Variants in SDK1 observed in about 807,000 individuals in gnomAD.
SDK1 encodes the protein sidekick cell adhesion molecule 1.
SDK1 carries 157 observed loss-of-function variants against 245.5 expected under a neutral mutation model. The ratio of observed to expected loss-of-function variants is 0.64; its 90% CI spans 0.56 to 0.73. The LOEUF is 0.73. SDK1 is among the 30% of genes least tolerant of loss of function. SDK1 has a pLI of 0.00. For synonymous variants in SDK1, 1,647 were observed against 1,278.5 expected, an observed-to-expected ratio of 1.29 and a Z score of -6.15; for missense variants, 3,583 against 3,002.3, an observed-to-expected ratio of 1.19 and a Z score of -4.52.
intron 28 of SDK1, chr7:4,132,638 G>A (rs1784914637): frequency 2.2e-6 from 1 of 462,152 alleles, no homozygotes; most frequent in Admixed American, 3.2e-5. Flanking sequence ...TAAGGTGGGA[G>A]GATCGCTTGA....
intron 1 of SDK1, among the ~76,000 whole-genome samples, chr7:3,390,653 C>T (rs1781726336): frequency 6.6e-6 from 1 of 152,066 alleles, no homozygotes; most frequent in Non-Finnish European, 1.5e-5. Context: ...AGGGAGAGTG[C>T]CATGTGCAGA....
intron 1 of SDK1, among the ~76,000 whole-genome samples, chr7:3,611,754 T>C (rs1781599294): frequency 6.6e-6 from 1 of 151,826 alleles, no homozygotes; most frequent in Non-Finnish European, 1.5e-5. Flanking sequence ...ATCAGGAAAA[T>C]GCAAATCGAA....
chr7:3,436,118 T>C (rs1780015792), intron 1 of SDK1, among the ~76,000 whole-genome samples: 1 of 152,236 alleles, frequency 6.6e-6, no homozygotes, highest in South Asian at 2.1e-4. Flanking sequence ...TGGTTCTTAA[T>C]TGTAACATTA....
intron 38 of SDK1, among the ~76,000 whole-genome samples, chr7:4,219,332 C>T (rs1449639645): frequency 6.6e-6 from 1 of 152,090 alleles, no homozygotes; most frequent in Non-Finnish European, 1.5e-5. Flanking sequence ...TCTCACACTG[C>T]TAATAAAGAC....
intron 7 of SDK1, among the ~76,000 whole-genome samples, chr7:3,954,133 G>A (rs1781049508): frequency 6.6e-6 from 1 of 151,952 alleles, no homozygotes; most frequent in Non-Finnish European, 1.5e-5. Context: ...GCCTGTCTAT[G>A]TTGCTTAATT....
Position 4,210,153 on chromosome 7 carries a change from CCTGTACAAG to C in SDK1, c.5531_5539del (p.Pro1844_Gly1847delinsArg). 1 of 1,575,822 alleles carries C rather than the reference CCTGTACAAG, an allele frequency of 6.3e-7. No homozygotes were observed. Among genetic ancestry groups the C allele is most frequent in the Non-Finnish European group, 8.6e-7 (1 of 1,164,206 alleles). On this transcript the variant is annotated inframe_deletion and splice_region_variant, in exon 38 of 45. Transcript: ENST00000404826. ...TCGGGTGGTGTACGAGCCCTTGGCC[CCTGTACAAG>C]GTAAGACCCGGGGTTGGGGAGATGG... is the stretch of plus-strand genomic sequence containing the variant.
chr7:3,577,706 C>A (rs376931782), intron 1 of SDK1, among the ~76,000 whole-genome samples: 5 of 152,130 alleles, frequency 3.3e-5, no homozygotes, highest in African/African-American at 9.6e-5. Flanking sequence ...AGAACTGAGC[C>A]CTTGAAGTGC....
At chr7:3,473,311 C>T (rs1265093513) in intron 1 of SDK1, among the ~76,000 whole-genome samples, 1 of 152,170 alleles carries the variant, frequency 6.6e-6, no homozygotes, top group Non-Finnish European at 1.5e-5. Context: ...ACTGGGGAAT[C>T]AATTAGAAGA....
At chr7:3,451,822 G>A (rs1297576360) in intron 1 of SDK1, among the ~76,000 whole-genome samples, 2 of 152,094 alleles carry the variant, frequency 1.3e-5, no homozygotes, top group Non-Finnish European at 2.9e-5. Flanking sequence ...CAACTGTACT[G>A]GGCCAATCAA....
intron 35 of SDK1, among the ~76,000 whole-genome samples, chr7:4,192,521 C>T (rs561284798): frequency 1.3e-4 from 20 of 152,274 alleles, no homozygotes; most frequent in African/African-American, 2.2e-4. Context: ...GTGATCCACC[C>T]GCCTCGGCCT....
In SDK1 at chr7:3,797,788, T is replaced by C. The variant is rs112837502; in HGVS notation, c.714-23662T>C. Among the ~76,000 whole-genome samples, 1,351 of 152,284 alleles carry C rather than the reference T, an allele frequency of 8.9e-3. 22 individuals carry two copies. Among genetic ancestry groups the C allele is most frequent in the African/African-American group, 0.031 (1,291 of 41,558 alleles). ...GGTTCCTTGATGTTTTCAGAACTGT[T>C]TCTCTCCTGTTGATTTCTAGCTCTT... is the stretch of plus-strand genomic sequence containing the variant. On this transcript the variant is annotated intron_variant, in intron 4 of 44. Coordinates refer to ENST00000404826, the MANE Select transcript of SDK1 (RefSeq NM_152744.4).
chr7:4,106,191 A>G (rs552191963), intron 22 of SDK1, among the ~76,000 whole-genome samples: 3 of 152,152 alleles, frequency 2.0e-5, no homozygotes, highest in Non-Finnish European at 4.4e-5. Flanking sequence ...GGGTCATCTC[A>G]TGGAGAATGG....
chr7:3,974,602 CCT>C (rs1782758351), intron 13 of SDK1, 57 bp downstream of exon 13: 3 of 1,536,824 alleles, frequency 2.0e-6, no homozygotes, highest in East Asian at 2.3e-5. Flanking sequence ...TTACTGTGCC[CCT>C]GTTAGTGACT....
intron 4 of SDK1, among the ~76,000 whole-genome samples, chr7:3,746,774 C>T (rs961684513): frequency 6.6e-6 from 1 of 152,238 alleles, no homozygotes; most frequent in Non-Finnish European, 1.5e-5. Flanking sequence ...TCTGCACTTA[C>T]TTCTTCCACT....
intron 4 of SDK1, among the ~76,000 whole-genome samples, chr7:3,672,915 C>G (rs1178283962): frequency 6.7e-6 from 1 of 149,724 alleles, no homozygotes; most frequent in African/African-American, 2.5e-5. Flanking sequence ...AAGCTCTATT[C>G]TAACTCTTGA....
At chr7:3,830,017 G>A (rs1779875582) in intron 5 of SDK1, among the ~76,000 whole-genome samples, 2 of 152,184 alleles carry the variant, frequency 1.3e-5, no homozygotes, top group Non-Finnish European at 2.9e-5. Flanking sequence ...TTTGTTATCA[G>A]TAATGCATTA....
intron 28 of SDK1, among the ~76,000 whole-genome samples, chr7:4,136,839 A>G (rs1753121272): frequency 6.6e-6 from 1 of 152,254 alleles, no homozygotes; most frequent in Non-Finnish European, 1.5e-5. Flanking sequence ...AGCTCCAGCA[A>G]GTATGATCCC....
intron 4 of SDK1, among the ~76,000 whole-genome samples, chr7:3,646,920 A>G (rs144957731): frequency 2.6e-5 from 4 of 152,352 alleles, no homozygotes; most frequent in African/African-American, 9.6e-5. Flanking sequence ...TAGAGACAGA[A>G]AGCAGAACAT....
chr7:3,847,403 T>G (rs1780307554), intron 5 of SDK1, among the ~76,000 whole-genome samples: 1 of 152,232 alleles, frequency 6.6e-6, no homozygotes, highest in Non-Finnish European at 1.5e-5. Flanking sequence ...AAAATAATTG[T>G]AATTTATTTA....
Sources: gnomAD v4.1 joint callset for allele counts (sites outside exome capture counted in the v4.1 genomes callset) on GRCh38, gnomAD v4.1.1 for gene constraint, MANE v1.5 for transcripts, NCBI Gene and HGNC (gene_info 2026-07-23, HGNC 2026-07-21) for gene names.